The following THAP1 variants were observed in gnomAD, a reference collection of about 807,000 sequenced individuals.
The protein encoded by THAP1 is THAP domain-containing protein 1.
In THAP1, 6 loss-of-function variants were observed where a neutral mutation model predicts 18.2. The observed-to-expected ratio is 0.33, with a 90% CI of 0.18 to 0.65. THAP1 has a LOEUF of 0.65. Ranked by LOEUF, THAP1 falls within the 30% of genes least tolerant of loss-of-function variation. THAP1 has a pLI of 0.74. For synonymous variants in THAP1, 85 were observed against 90.5 expected, an observed-to-expected ratio of 0.94 and a Z score of 0.34; for missense variants, 176 against 253.0, an observed-to-expected ratio of 0.70 and a Z score of 2.06.
chr8:42,839,215 T>A lies in THAP1; in HGVS notation c.238A>T (p.Ile80Leu), dbSNP rs372080941. ...KLLKENAVPT[I>L]FLCTEPHDKK... ...TCATGTGGCTCAGTACAAAGAAATA[T>A]TGTGGGCACAGCATTCTCTTTCAGT... Residue 80 changes from isoleucine to leucine, a missense_variant, in exon 2 of 3, where the codon ATA becomes TTA. By Grantham distance (5) the Ile-to-Leu change is conservative. Transcript: ENST00000254250. 6.2e-7 allele frequency: 1 copy of A among 1,613,994 alleles called. No individual in the cohort carries two copies. The highest frequency in any genetic ancestry group is 1.7e-5 in the Admixed American group (1 of 60,004).
chr8:42,838,435 T>G (rs1298866109), intron 2 of THAP1, 99 bp from the exon 3 acceptor site: 46 of 1,495,932 alleles, frequency 3.1e-5, no homozygotes, highest in Non-Finnish European at 4.1e-5. Flanking sequence ...CCTATAATCC[T>G]AGTACTTTTG....
chr8:42,838,282 G>A lies in THAP1; in HGVS notation c.322C>T (p.Pro108Ser). The change falls in exon 3 of 3, where the codon CCT (proline) becomes TCT (serine). Residue 108 changes from proline to serine, a missense_variant. Coordinates refer to ENST00000254250, the MANE Select transcript of THAP1 (RefSeq NM_018105.3). ...ATAGCAGCATCAACCTGGGAAACAG[G>A]AGGCGGTAAAGGAGGTGGGGGAAGC... ...EQLPPPPLPP[P>S]VSQVDAAIGL... The A allele has an allele frequency of 6.2e-7, 1 of 1,614,078 alleles. No homozygotes were observed. Among genetic ancestry groups the A allele is most frequent in the Non-Finnish European group, 8.5e-7 (1 of 1,179,948 alleles).
intron 1 of THAP1, among the ~76,000 whole-genome samples, chr8:42,841,877 C>T (rs1802724441): frequency 6.6e-6 from 1 of 151,972 alleles, no homozygotes; most frequent in South Asian, 2.1e-4. Context: ...GGAGACCTCT[C>T]TATGTTCTAC....
rs1802765647 is a variant in THAP1, at chr8:42,843,317, G to A, written c.-223C>T. ...CGTCTCCCATCTCCAAGATGGCGGA[G>A]GCAGCTTCAACCTCACCTCTCGCGA... On this transcript the variant is annotated 5_prime_UTR_variant, in exon 1 of 3. Coordinates refer to ENST00000254250, the MANE Select transcript of THAP1 (RefSeq NM_018105.3). 2 of 611,922 alleles carry A rather than the reference G, an allele frequency of 3.3e-6. No homozygotes were observed. The highest frequency in any genetic ancestry group is 2.4e-5 in the Admixed American group (1 of 41,968). 37.9% of individuals were successfully genotyped at this position (611,922 alleles called of 1,614,324 possible). A position where few individuals can be genotyped will look rare whatever the true frequency, so the allele number is the denominator to read the frequency against.
chr8:42,842,133 A>G (rs1802730234), intron 1 of THAP1, among the ~76,000 whole-genome samples: 1 of 152,266 alleles, frequency 6.6e-6, no homozygotes, highest in Non-Finnish European at 1.5e-5. Context: ...TATAGCTGTC[A>G]GGAATTCTTG....
intron 1 of THAP1, among the ~76,000 whole-genome samples, chr8:42,841,936 A>T (rs1802726034): frequency 1.3e-5 from 2 of 152,218 alleles, no homozygotes; most frequent in Non-Finnish European, 2.9e-5. Context: ...AAACATATTT[A>T]AAAAATGCAT....
At position 42,843,038 on chromosome 8, in the gene THAP1, G is replaced by A. The variant is rs146087734; in HGVS notation, c.57C>T (p.Pro19=). 1.5e-4 allele frequency: 248 copies of A among 1,613,302 alleles called. No individual in the cohort carries two copies. The highest frequency in any genetic ancestry group is 3.2e-4 in the African/African-American group (24 of 74,902). ...AGGGTCCTCACTTGTGGAAAGAAAC[G>A]GGCTTGTCCTTGTCGTAGCGGTTCT... The part of the protein sequence containing the change: ...GCKNRYDKDK[P]VSFHKFPLTR... Residue 19 remains proline (P), a synonymous_variant, in exon 1 of 3, where the codon CCC becomes CCT. Coordinates refer to ENST00000254250, the MANE Select transcript of THAP1 (RefSeq NM_018105.3).
chr8:42,840,556 T>C (rs1802697635), intron 1 of THAP1, among the ~76,000 whole-genome samples: 1 of 152,208 alleles, frequency 6.6e-6, no homozygotes, highest in African/African-American at 2.4e-5. Context: ...CCATGTACGA[T>C]ATGCTAGAGC....
intron 1 of THAP1, among the ~76,000 whole-genome samples, chr8:42,841,169 T>C (rs780641487): frequency 5.9e-5 from 9 of 151,970 alleles, no homozygotes; most frequent in Non-Finnish European, 1.3e-4. Context: ...GTTTGTGAGA[T>C]TCTCTTAAGA....
At position 42,838,183 on chromosome 8, in the gene THAP1, C is replaced by G; in HGVS notation, c.421G>C (p.Asp141His). The G allele has an allele frequency of 6.2e-6, 10 of 1,614,102 alleles. No individual in the cohort carries two copies. Among genetic ancestry groups the G allele is most frequent in the Non-Finnish European group, 7.6e-6 (9 of 1,180,042 alleles). ...ATCCTTTTCCGCTGGTGCATTGTAT[C>G]CTCCACAGTATAGTTGTGGTCACAG... ...VFCDHNYTVE[D>H]TMHQRKRIHQ... The change falls in exon 3 of 3, where the codon GAT becomes CAT. Residue 141 changes from aspartate to histidine, a missense_variant. Physicochemically the swap from Asp to His is moderately conservative, Grantham distance 81. Transcript: ENST00000254250.
At chr8:42,839,597 G>C (rs907745075) in intron 1 of THAP1, among the ~76,000 whole-genome samples, 3 of 152,048 alleles carry the variant, frequency 2.0e-5, no homozygotes, top group African/African-American at 7.3e-5. Context: ...TTGTTAGGCT[G>C]GAGTGCAGTG....
chr8:42,840,767 G>A (rs1282054688), intron 1 of THAP1, among the ~76,000 whole-genome samples: 1 of 152,100 alleles, frequency 6.6e-6, no homozygotes, highest in Non-Finnish European at 1.5e-5. Context: ...GAAGTATGGA[G>A]ACCATCCTGG....
Position 42,843,080 on chromosome 8 carries a change from G to A in THAP1, c.15C>T (p.Cys5=). ...AGCGGTTCTTGCAGCCGTAGGCGGAGCAGGACTGCACCATCCTTCCGGTCC... is the reference window on the plus strand; with the variant it reads ...AGCGGTTCTTGCAGCCGTAGGCGGAACAGGACTGCACCATCCTTCCGGTCC... MVQS[C]SAYGCKNRYD... The change falls in exon 1 of 3, where the codon TGC becomes TGT. Residue 5 remains cysteine (C), a synonymous_variant. Coordinates refer to ENST00000254250, the MANE Select transcript of THAP1 (RefSeq NM_018105.3). The A allele has an allele frequency of 6.2e-7, 1 of 1,613,894 alleles. No homozygotes were observed. Among genetic ancestry groups the A allele is most frequent in the South Asian group, 1.1e-5 (1 of 91,080 alleles).
In THAP1 at chr8:42,838,061, C is replaced by T. The variant is rs776801688; in HGVS notation, c.543G>A (p.Lys181=). ...RRQERQLEKL[K]EVVHFQKEKD... ...TCTCTTTCTGGAAGTGAACAACCTC[C>T]TTTAATTTTTCAAGCTGCCGTTCTT... The change falls in exon 3 of 3, where the codon AAG becomes AAA. Residue 181 remains lysine (K), a synonymous_variant. Transcript: ENST00000254250. 9.9e-6 allele frequency: 16 copies of T among 1,614,016 alleles called. No individual in the cohort carries two copies. In the South Asian group the frequency reaches 1.5e-4, roughly 16 times the overall value.
chr8:42,840,965 C>CAAAAAAAAA (rs1029278824), intron 1 of THAP1, among the ~76,000 whole-genome samples: 2 of 47,050 alleles, frequency 4.3e-5, no homozygotes, highest in African/African-American at 7.5e-5. Context: ...GACTCCATCT[C>CAAAAAAAAA]AAAAAAAAAA....
intron 1 of THAP1, among the ~76,000 whole-genome samples, chr8:42,840,763 T>C (rs1336920883): frequency 6.6e-6 from 1 of 152,064 alleles, no homozygotes; most frequent in Non-Finnish European, 1.5e-5. Flanking sequence ...GGTCGAAGTA[T>C]GGAGACCATC....
chr8:42,840,069 T>C (rs1316653437), intron 1 of THAP1, among the ~76,000 whole-genome samples: 1 of 152,024 alleles, frequency 6.6e-6, no homozygotes, highest in Non-Finnish European at 1.5e-5. Flanking sequence ...TGGTGGTATG[T>C]GCCCAGGTAC....
intron 1 of THAP1, among the ~76,000 whole-genome samples, chr8:42,839,739 C>T (rs2128918699): frequency 6.6e-6 from 1 of 152,240 alleles, no homozygotes; most frequent in South Asian, 2.1e-4. Context: ...TAGAGATGGG[C>T]TTTCACCATG....
rs2128918217 is a variant in THAP1 at position 42,836,679 on chromosome 8, T to C, written c.*1283A>G. ...TCTACAAAAGACACTTTGAATGCCA[T>C]TGTTTCACACCTTTAATACTGTCTT... On this transcript the variant is annotated 3_prime_UTR_variant, in exon 3 of 3. Transcript: ENST00000254250. 6.5e-6 allele frequency: 1 copy of C among 152,788 alleles called. No homozygotes were observed. The highest frequency in any genetic ancestry group is 2.4e-5 in the African/African-American group (1 of 41,584). 9.5% of individuals were successfully genotyped at this position (152,788 alleles called of 1,614,324 possible). A position where few individuals can be genotyped will look rare whatever the true frequency, so the allele number is the denominator to read the frequency against.
Sources: allele counts gnomAD v4.1 joint callset (sites outside exome capture counted in the v4.1 genomes callset), GRCh38; gene constraint gnomAD v4.1.1; transcripts MANE v1.5; gene names NCBI Gene and HGNC (gene_info 2026-07-23, HGNC 2026-07-21).